The following TMEM87B variants were observed in gnomAD, a reference collection of about 807,000 sequenced individuals.
The protein encoded by TMEM87B is transmembrane protein 87B.
TMEM87B carries 83 observed loss-of-function variants against 80.3 expected under a neutral mutation model. The ratio of observed to expected loss-of-function variants is 1.03; its 90% CI spans 0.87 to 1.24. The LOEUF is 1.24. TMEM87B is among the 50% of genes most tolerant of loss of function. The pLI is 0.00. For missense variants in TMEM87B, 625 were observed against 674.4 expected, an observed-to-expected ratio of 0.93 and a Z score of 0.81; for synonymous variants, 219 against 230.5, an observed-to-expected ratio of 0.95 and a Z score of 0.45.
At chr2:112,093,743 C>T (rs1388858610) in intron 11 of TMEM87B, among the ~76,000 whole-genome samples, 2 of 152,064 alleles carry the variant, frequency 1.3e-5, no homozygotes, top group African/African-American at 4.8e-5. Flanking sequence ...GAAGTCTGTT[C>T]CTCAGTTCTA....
chr2:112,082,905 A>G (rs1005346275), intron 8 of TMEM87B, among the ~76,000 whole-genome samples: 1 of 152,112 alleles, frequency 6.6e-6, no homozygotes, highest in Admixed American at 6.5e-5. Context: ...ATCCTCAGGG[A>G]ATCTAAGCTG....
At chr2:112,086,278 C>T (rs1310909196) in intron 9 of TMEM87B, among the ~76,000 whole-genome samples, 174 bp downstream of exon 9, 4 of 152,356 alleles carry the variant, frequency 2.6e-5, no homozygotes, top group African/African-American at 9.6e-5. Flanking sequence ...TTTATGTTAT[C>T]TTCCAATAAA....
Position 112,086,377 on chromosome 2 carries a change from A to G in TMEM87B, c.938+273A>G, listed in dbSNP as rs1679145677. Among the ~76,000 whole-genome samples, 3 of 152,230 alleles carry G rather than the reference A, an allele frequency of 2.0e-5. No individual in the cohort carries two copies. In the South Asian group the frequency reaches 6.2e-4, roughly 31 times the overall value. On this transcript the variant is annotated intron_variant, in intron 9 of 18. Transcript: ENST00000283206. ...TAATGGAAAATCTAAAATAATTCAA[A>G]CCATTTTCAAACCCTTTTCTGTTAT...
At chr2:112,085,452 A>G (rs1679114067) in intron 8 of TMEM87B, among the ~76,000 whole-genome samples, 1 of 152,066 alleles carries the variant, frequency 6.6e-6, no homozygotes, top group Non-Finnish European at 1.5e-5. Flanking sequence ...CCCCAGGTGT[A>G]GATTAGACTG....
intron 1 of TMEM87B, 80 bp from the exon 2 acceptor site, chr2:112,059,897 G>T (rs1678191936): frequency 6.6e-7 from 1 of 1,515,766 alleles, no homozygotes; most frequent in Admixed American, 2.0e-5. Flanking sequence ...GCAAGGCTTA[G>T]AACTCTATAT....
At position 112,107,086 on chromosome 2, in the gene TMEM87B, G is replaced by A. The variant is rs537683855; in HGVS notation, c.1525-702G>A. Among the ~76,000 whole-genome samples, 6 of 152,230 alleles carry A rather than the reference G, an allele frequency of 3.9e-5. No individual in the cohort carries two copies. The South Asian group carries it at 1.2e-3, about 32-fold the overall frequency. On this transcript the variant is annotated intron_variant, in intron 16 of 18. Transcript: ENST00000283206. Reference sequence around the variant, plus strand: ...AGTTAGAATATTTGAGATCAGGCCCGGTGGCTAATGCCTGTAATCCCAGCA... The same window carrying A: ...AGTTAGAATATTTGAGATCAGGCCCAGTGGCTAATGCCTGTAATCCCAGCA...
intron 13 of TMEM87B, 21 bp from the exon 14 acceptor site, chr2:112,098,574 C>A: frequency 6.2e-7 from 1 of 1,611,568 alleles, no homozygotes; most frequent in Non-Finnish European, 8.5e-7. Context: ...ACGTTTCATG[C>A]TTGAATTGTC....
chr2:112,077,333 A>G (rs1169383774), intron 6 of TMEM87B, 51 bp downstream of exon 6: 2 of 1,017,034 alleles, frequency 2.0e-6, no homozygotes, highest in Non-Finnish European at 2.9e-6. Context: ...TGTATTCTGT[A>G]TTTTTGTCAC....
Position 112,055,571 on chromosome 2 carries a change from A to G in TMEM87B, c.-21A>G, listed in dbSNP as rs1362329784. 6.7e-7 allele frequency: 1 copy of G among 1,485,364 alleles called. No individual in the cohort carries two copies. Among genetic ancestry groups the G allele is most frequent in the African/African-American group, 1.5e-5 (1 of 68,340 alleles). The allele number at this position is 1,485,364 out of a possible 1,614,324, so 92.0% of individuals were successfully genotyped here. On this transcript the variant is annotated 5_prime_UTR_variant, in exon 1 of 19. Coordinates refer to ENST00000283206, the MANE Select transcript of TMEM87B (RefSeq NM_032824.3). ...GGTGTGGCAGGCGTCTCGGAGCGCC[A>G]GGTGCAGCTTCCTGGTCAAGATGGT...
At chr2:112,105,081 G>A (rs1321809220) in intron 15 of TMEM87B, among the ~76,000 whole-genome samples, 2 of 152,006 alleles carry the variant, frequency 1.3e-5, no homozygotes, top group Admixed American at 6.6e-5. Context: ...AGTTACTCAA[G>A]TGTATATATT....
At position 112,074,901 on chromosome 2, in the gene TMEM87B, C is replaced by T; in HGVS notation, c.451-11C>T. 1 of 1,563,878 alleles carries T rather than the reference C, an allele frequency of 6.4e-7. No homozygotes were observed. Among genetic ancestry groups the T allele is most frequent in the East Asian group, 2.3e-5 (1 of 42,954 alleles). ...GCAGTATAAAATGGCATTATTTACT[C>T]TTTTTTCCAGAATAAAGAACTAATA... is the stretch of plus-strand genomic sequence containing the variant. On this transcript the variant is annotated splice_polypyrimidine_tract_variant and intron_variant, in intron 4 of 18. Coordinates refer to ENST00000283206, the MANE Select transcript of TMEM87B (RefSeq NM_032824.3).
intron 14 of TMEM87B, 129 bp from the exon 15 acceptor site, chr2:112,100,493 C>T (rs192311591): frequency 1.4e-4 from 77 of 568,142 alleles, no homozygotes; most frequent in Admixed American, 8.5e-4. Flanking sequence ...AAAATAATTA[C>T]GTTTTCATTA....
Position 112,091,701 on chromosome 2 carries a change from T to G in TMEM87B, c.1033-11T>G. 6.2e-7 allele frequency: 1 copy of G among 1,600,642 alleles called. No homozygotes were observed. The highest frequency in any genetic ancestry group is 1.1e-5 in the South Asian group (1 of 89,176). ...TACATTCAGGTTTCTTCCCTTATTTTTATCTTTCAGGGTTCTAACCATTTA... is the reference window on the plus strand; with the variant it reads ...TACATTCAGGTTTCTTCCCTTATTTGTATCTTTCAGGGTTCTAACCATTTA... On this transcript the variant is annotated splice_polypyrimidine_tract_variant and intron_variant, in intron 10 of 18. Transcript: ENST00000283206.
intron 5 of TMEM87B, among the ~76,000 whole-genome samples, chr2:112,075,325 G>A (rs999926387): frequency 2.6e-5 from 4 of 152,060 alleles, no homozygotes; most frequent in Admixed American, 2.6e-4. Flanking sequence ...ACTTGAACCT[G>A]GGAGGTGGAG....
chr2:112,108,450 T>C (rs1373047593), intron 17 of TMEM87B, among the ~76,000 whole-genome samples: 1 of 152,242 alleles, frequency 6.6e-6, no homozygotes, highest in Non-Finnish European at 1.5e-5. Context: ...TTCTTTCTTG[T>C]AGTGCAGGTA....
At chr2:112,100,543 T>C (rs1053331062) in intron 14 of TMEM87B, 79 bp from the exon 15 acceptor site, 1 of 856,856 alleles carries the variant, frequency 1.2e-6, no homozygotes, top group East Asian at 2.7e-5. Flanking sequence ...AGATTTTTTA[T>C]ACAATGGCTT....
intron 11 of TMEM87B, chr2:112,095,173 T>G (rs1679426682): frequency 8.8e-6 from 1 of 113,820 alleles, no homozygotes; most frequent in Non-Finnish European, 1.1e-5. Flanking sequence ...TTCTTTTTTT[T>G]TTTTTTTTTT....
intron 15 of TMEM87B, among the ~76,000 whole-genome samples, chr2:112,104,958 T>C (rs1394295826): frequency 6.6e-6 from 1 of 152,210 alleles, no homozygotes; most frequent in African/African-American, 2.4e-5. Flanking sequence ...ATGATTTAGA[T>C]GATTATCTAA....
At chr2:112,099,249 A>G (rs1268662663) in intron 14 of TMEM87B, among the ~76,000 whole-genome samples, 2 of 152,152 alleles carry the variant, frequency 1.3e-5, no homozygotes, top group East Asian at 3.8e-4. Context: ...ATGAAAAAGT[A>G]TGTACAGATT....
Sources: allele counts gnomAD v4.1 joint callset (sites outside exome capture counted in the v4.1 genomes callset), GRCh38; gene constraint gnomAD v4.1.1; transcripts MANE v1.5; gene names NCBI Gene and HGNC (gene_info 2026-07-23, HGNC 2026-07-21).